The following LGR6 variants were observed in gnomAD, a reference collection of about 807,000 sequenced individuals.
LGR6 encodes leucine rich repeat containing G protein-coupled receptor 6, also known as leucine-rich repeat-containing G protein-coupled receptor 6.
A neutral mutation model predicts 69.4 loss-of-function variants in LGR6; 45 were observed. The observed-to-expected ratio is 0.65, with a 90% CI of 0.51 to 0.83. The LOEUF (loss-of-function observed/expected upper bound fraction) is 0.83, where lower values mean the gene tolerates loss of function less well. LGR6 is among the 40% of genes least tolerant of loss of function. LGR6 has a pLI of 0.00. For missense variants in LGR6, 1,108 were observed against 1,246.7 expected, an observed-to-expected ratio of 0.89 and a Z score of 1.68; for synonymous variants, 538 against 555.0, an observed-to-expected ratio of 0.97 and a Z score of 0.43.
chr1:202,257,555 AATGCT>A (rs759029145), intron 4 of LGR6, among the ~76,000 whole-genome samples: 18 of 152,116 alleles, frequency 1.2e-4, no homozygotes, highest in Non-Finnish European at 2.6e-4. Context: ...TGTCATCCCA[AATGCT>A]ATTCTTTAAA....
At chr1:202,309,589 C>T (rs1166496679) in intron 15 of LGR6, among the ~76,000 whole-genome samples, 1 of 152,262 alleles carries the variant, frequency 6.6e-6, no homozygotes, top group Non-Finnish European at 1.5e-5. Flanking sequence ...CGCAGCCAGG[C>T]CGTGGTGCTA....
At chr1:202,250,205 C>T (rs1359176529) in intron 4 of LGR6, among the ~76,000 whole-genome samples, 1 of 152,094 alleles carries the variant, frequency 6.6e-6, no homozygotes, top group East Asian at 1.9e-4. Context: ...TCCTTTAGGT[C>T]TTACCTTGAA....
At chr1:202,302,780 CA>C (rs1667701817) in intron 9 of LGR6, among the ~76,000 whole-genome samples, 1 of 152,108 alleles carries the variant, frequency 6.6e-6, no homozygotes, top group East Asian at 1.9e-4. Flanking sequence ...CTCCTGACCT[CA>C]GGTGATCCGC....
At chr1:202,203,721 G>A (rs531140152) in intron 1 of LGR6, 35 of 1,280,166 alleles carry the variant, frequency 2.7e-5, no homozygotes, top group Admixed American at 5.3e-5. Context: ...CGTAGCAGGC[G>A]GGGCACAGAG....
chr1:202,245,865 G>A (rs1415435006), intron 4 of LGR6, among the ~76,000 whole-genome samples: 1 of 152,070 alleles, frequency 6.6e-6, no homozygotes, highest in Non-Finnish European at 1.5e-5. Flanking sequence ...GGTCTGTCAG[G>A]AGGGAAGAGG....
At chr1:202,241,651 T>G (rs1007909836) in intron 4 of LGR6, among the ~76,000 whole-genome samples, 2 of 135,414 alleles carry the variant, frequency 1.5e-5, no homozygotes, top group East Asian at 2.2e-4. Flanking sequence ...TGGGGGAAAA[T>G]AGAAACTGGG....
intron 4 of LGR6, among the ~76,000 whole-genome samples, chr1:202,253,868 G>C (rs377471388): frequency 8.2e-6 from 1 of 121,278 alleles, no homozygotes; most frequent in Non-Finnish European, 1.7e-5. Context: ...TGCAGTGGCG[G>C]GATCTCGGCT....
intron 1 of LGR6, among the ~76,000 whole-genome samples, chr1:202,204,692 C>CT (rs1659026766): frequency 3.7e-4 from 1 of 2,700 alleles, no homozygotes; most frequent in Non-Finnish European, 6.2e-4. Context: ...CACACACACC[C>CT]CCAAACACAC....
intron 6 of LGR6, among the ~76,000 whole-genome samples, chr1:202,281,539 A>G (rs1242756260): frequency 3.9e-5 from 6 of 152,146 alleles, no homozygotes; most frequent in Admixed American, 3.9e-4. Context: ...CCACTTGAGC[A>G]AACAACTGGC....
chr1:202,216,495 T>C (rs1340267627), intron 1 of LGR6, among the ~76,000 whole-genome samples: 2 of 152,252 alleles, frequency 1.3e-5, no homozygotes, highest in Non-Finnish European at 2.9e-5. Flanking sequence ...TATGTGGCTA[T>C]TGAGCCTTGA....
At chr1:202,264,801 G>A (rs1183773687) in intron 4 of LGR6, among the ~76,000 whole-genome samples, 1 of 152,172 alleles carries the variant, frequency 6.6e-6, no homozygotes, top group Non-Finnish European at 1.5e-5. Flanking sequence ...TTGGAGGAAT[G>A]CTCAGGTATC....
At chr1:202,253,839 T>C in intron 4 of LGR6, among the ~76,000 whole-genome samples, 1 of 122,728 alleles carries the variant, frequency 8.1e-6, no homozygotes, top group East Asian at 2.5e-4. Context: ...GGAGTCTCGC[T>C]CTGTCGCCCA....
rs756416090 is a variant in LGR6, at chr1:202,276,474, C to A, written c.597C>A (p.Ser199Arg). 6.2e-7 allele frequency: 1 copy of A among 1,614,214 alleles called. No individual in the cohort carries two copies. The highest frequency in any genetic ancestry group is 8.5e-7 in the Non-Finnish European group (1 of 1,180,016). The part of the protein sequence containing the change: ...QAMTLALNRI[S>R]HIPDYAFQNL... ...TGACCCTGGCCCTCAACCGCATCAGCCACATCCCCGACTACGCGTTCCAGA... is the reference window on the plus strand; with the variant it reads ...TGACCCTGGCCCTCAACCGCATCAGACACATCCCCGACTACGCGTTCCAGA... Residue 199 changes from serine to arginine, a missense_variant, in exon 5 of 18, where the codon AGC becomes AGA. By Grantham distance (110) the Ser-to-Arg change is moderately radical (BLOSUM62 -1). Transcript: ENST00000367278.
chr1:202,194,127 C>T lies in LGR6; in HGVS notation c.138C>T (p.Ile46=). Residue 46 remains isoleucine, a synonymous_variant, in exon 1 of 18, where the codon ATC becomes ATT. Coordinates refer to ENST00000367278, the MANE Select transcript of LGR6 (RefSeq NM_001017403.2). ...PAPCHCQEDG[I]MLSADCSELG... ...CCTGCCACTGCCAGGAGGACGGCAT[C>T]ATGCTGTCTGCCGACTGCTCTGAGC... 1.9e-6 allele frequency: 3 copies of T among 1,570,106 alleles called. No individual in the cohort carries two copies. The highest frequency in any genetic ancestry group is 8.6e-7 in the Non-Finnish European group (1 of 1,167,562).
At chr1:202,286,354 G>C (rs555298166) in intron 6 of LGR6, among the ~76,000 whole-genome samples, 2 of 152,282 alleles carry the variant, frequency 1.3e-5, no homozygotes, top group African/African-American at 4.8e-5. Flanking sequence ...TAGTCACTGG[G>C]CAAATAATTC....
At chr1:202,206,682 C>T (rs910502335) in intron 1 of LGR6, among the ~76,000 whole-genome samples, 83 of 151,804 alleles carry the variant, frequency 5.5e-4, no homozygotes, top group Middle Eastern at 3.4e-3. Context: ...CCTGAGTAGC[C>T]GAGACTACAG....
intron 1 of LGR6, among the ~76,000 whole-genome samples, chr1:202,222,292 G>A (rs1660212002): frequency 6.6e-6 from 1 of 152,102 alleles, no homozygotes; most frequent in African/African-American, 2.4e-5. Context: ...CCTTTACTGA[G>A]CACTGCAGCT....
intron 4 of LGR6, among the ~76,000 whole-genome samples, chr1:202,273,560 C>T (rs769479508): frequency 2.2e-4 from 34 of 151,752 alleles, no homozygotes; most frequent in Admixed American, 2.0e-3. Flanking sequence ...CAGGTTCAAG[C>T]AACTCTCCTG....
At chr1:202,293,311 T>C (rs1010575972) in intron 6 of LGR6, among the ~76,000 whole-genome samples, 1 of 152,212 alleles carries the variant, frequency 6.6e-6, no homozygotes, top group African/African-American at 2.4e-5. Context: ...TCTCTCTTCT[T>C]GATCCATTCA....
Sources: allele counts gnomAD v4.1 joint callset (sites outside exome capture counted in the v4.1 genomes callset), GRCh38; gene constraint gnomAD v4.1.1; transcripts MANE v1.5; gene names NCBI Gene and HGNC (gene_info 2026-07-23, HGNC 2026-07-21).